KAZN: variants seen among roughly 807,000 people sequenced by gnomAD.
KAZN encodes the protein kazrin, periplakin interacting protein.
KAZN carries 40 observed loss-of-function variants against 87.4 expected under a neutral mutation model. The observed-to-expected ratio is 0.46, with a 90% CI of 0.36 to 0.60. The LOEUF (loss-of-function observed/expected upper bound fraction) is 0.60. Among genes scored for constraint, KAZN ranks in the 20% least tolerant of loss-of-function variants. The pLI, the probability that KAZN is intolerant of heterozygous loss-of-function variation, is 0.00. For synonymous variants in KAZN, 466 were observed against 458.3 expected (o/e 1.02, Z -0.22); for missense variants, 898 against 1,073.9 (o/e 0.84, Z 2.29).
rs573078676 is a variant in KAZN, at chr1:14,166,762, A to G, written c.92-13673A>G. ...TTACTAATTGTAAATATTATCTATTAAAAGCCGTTCCTCTGGTTTTATTCA... is the reference window on the plus strand; with the variant it reads ...TTACTAATTGTAAATATTATCTATTGAAAGCCGTTCCTCTGGTTTTATTCA... On this transcript the variant is annotated intron_variant, in intron 1 of 16. Coordinates refer to the KAZN transcript ENST00000636203. Among the ~76,000 whole-genome samples, 3 of 152,344 alleles carry G rather than the reference A, an allele frequency of 2.0e-5. No individual in the cohort carries two copies. The East Asian group carries it at 5.8e-4, about 29-fold the overall frequency.
At chr1:14,211,727 C>G (rs1169439881) in intron 2 of KAZN, among the ~76,000 whole-genome samples, 1 of 152,076 alleles carries the variant, frequency 6.6e-6, no homozygotes, top group Admixed American at 6.6e-5. Flanking sequence ...AATATTTACA[C>G]CATGGAAATA....
chr1:14,419,617 AGT>A (rs1212678735), intron 2 of KAZN, among the ~76,000 whole-genome samples: 1 of 152,184 alleles, frequency 6.6e-6, no homozygotes, highest in South Asian at 2.1e-4. Context: ...TCTTAAAGGT[AGT>A]GTGTCCGGAG....
At chr1:14,437,036 C>T (rs997627364) in intron 2 of KAZN, among the ~76,000 whole-genome samples, 38 of 152,192 alleles carry the variant, frequency 2.5e-4, no homozygotes, top group Admixed American at 1.3e-4. Context: ...ACCTTTTGTC[C>T]TCCAGAGGAA....
intron 2 of KAZN, among the ~76,000 whole-genome samples, chr1:14,209,604 A>G (rs917487047): frequency 1.3e-5 from 2 of 152,170 alleles, no homozygotes; most frequent in Middle Eastern, 3.4e-3. Flanking sequence ...GTAGATAACT[A>G]TAGTGCAAAT....
At chr1:14,717,081 T>G (rs563123497) in intron 1 of KAZN, among the ~76,000 whole-genome samples, 3 of 150,098 alleles carry the variant, frequency 2.0e-5, no homozygotes, top group African/African-American at 7.3e-5. Context: ...TGGCCAGATG[T>G]GAGCGCTCTC....
intron 2 of KAZN, among the ~76,000 whole-genome samples, chr1:14,376,390 T>G (rs554652635): frequency 3.5e-4 from 53 of 152,272 alleles, no homozygotes; most frequent in African/African-American, 1.2e-3. Context: ...ATAAATGGAT[T>G]AATGGCCTTA....
intron 1 of KAZN, among the ~76,000 whole-genome samples, chr1:14,652,917 G>C (rs1326381452): frequency 6.6e-6 from 1 of 151,986 alleles, no homozygotes; most frequent in Non-Finnish European, 1.5e-5. Context: ...ACTGGCATCT[G>C]GCAGGTGGAG....
chr1:14,674,541 A>G (rs1256757766), intron 1 of KAZN, among the ~76,000 whole-genome samples: 1 of 152,176 alleles, frequency 6.6e-6, no homozygotes, highest in South Asian at 2.1e-4. Flanking sequence ...GATTTTATTC[A>G]TGCAACCCTA....
Position 13,988,439 on chromosome 1 carries a change from C to G in KAZN, c.91+94683C>G, listed in dbSNP as rs1017531820. Among the ~76,000 whole-genome samples, 3 of 152,034 alleles carry G rather than the reference C, an allele frequency of 2.0e-5. No individual in the cohort carries two copies. In the South Asian group the frequency reaches 6.2e-4, roughly 32 times the overall value. ...TTCAACAGGCAATTTTCCAAGAGAC[C>G]TAGTAGGGTTCTTTTACTTATGATT... is the stretch of plus-strand genomic sequence containing the variant. On this transcript the variant is annotated intron_variant, in intron 1 of 16. Transcript: ENST00000636203.
intron 2 of KAZN, among the ~76,000 whole-genome samples, chr1:14,198,242 G>A (rs1449733186): frequency 6.6e-6 from 1 of 152,138 alleles, no homozygotes; most frequent in African/African-American, 2.4e-5. Flanking sequence ...GGAGAAGGAT[G>A]GTGATAAAAA....
At chr1:14,126,663 G>A (rs774766205) in intron 1 of KAZN, among the ~76,000 whole-genome samples, 14 of 152,100 alleles carry the variant, frequency 9.2e-5, no homozygotes, top group Admixed American at 3.3e-4. Context: ...AATCAGAGAG[G>A]TGAAGTGATT....
chr1:14,018,848 A>G (rs1415507553), intron 1 of KAZN, among the ~76,000 whole-genome samples: 1 of 152,146 alleles, frequency 6.6e-6, no homozygotes, highest in South Asian at 2.1e-4. Flanking sequence ...TGACACCATT[A>G]GCTTCCCTGG....
chr1:14,019,215 A>G (rs12040786), intron 1 of KAZN, among the ~76,000 whole-genome samples: 2 of 152,026 alleles, frequency 1.3e-5, no homozygotes, highest in Middle Eastern at 3.4e-3. Flanking sequence ...AACACCATAT[A>G]CCCCAGATAT....
At chr1:14,566,660 C>G (rs560485021) in intron 2 of KAZN, among the ~76,000 whole-genome samples, 1 of 152,360 alleles carries the variant, frequency 6.6e-6, no homozygotes, top group East Asian at 1.9e-4. Context: ...CATTAACGAT[C>G]CTAGGCTGGA....
intron 1 of KAZN, among the ~76,000 whole-genome samples, chr1:14,632,708 G>A (rs972963480): frequency 7.2e-5 from 11 of 151,840 alleles, no homozygotes; most frequent in South Asian, 4.2e-4. Context: ...AACTGAGACC[G>A]CAAGTGTAAA....
At chr1:14,728,635 C>T (rs753436993) in intron 1 of KAZN, among the ~76,000 whole-genome samples, 6 of 152,212 alleles carry the variant, frequency 3.9e-5, no homozygotes, top group Non-Finnish European at 7.3e-5. Context: ...TTACAAGACA[C>T]TTGGCTTCCC....
At chr1:14,303,391 C>T (rs1654695351) in intron 2 of KAZN, among the ~76,000 whole-genome samples, 1 of 152,134 alleles carries the variant, frequency 6.6e-6, no homozygotes, top group Admixed American at 6.5e-5. Flanking sequence ...CTAGATGTGC[C>T]TGCCACCACA....
At chr1:14,848,397 G>A (rs1427304392) in intron 1 of KAZN, among the ~76,000 whole-genome samples, 2 of 152,148 alleles carry the variant, frequency 1.3e-5, no homozygotes, top group Admixed American at 1.3e-4. Flanking sequence ...CTGTAAAATG[G>A]GTGCAGTGTG....
In KAZN at chr1:14,950,430, C is replaced by G. The variant is rs569187167; in HGVS notation, c.227-10254C>G. ...ACCAGGCAGGAGAGGGGAGGCCAGGCTGGGCCTGAGAGGGTCAGCCCCACA... is the reference window on the plus strand; with the variant it reads ...ACCAGGCAGGAGAGGGGAGGCCAGGGTGGGCCTGAGAGGGTCAGCCCCACA... On this transcript the variant is annotated intron_variant, in intron 1 of 14. Coordinates refer to ENST00000376030, the MANE Select transcript of KAZN (RefSeq NM_201628.3). 2.6e-5 allele frequency among the ~76,000 whole-genome samples: 4 copies of G among 152,218 alleles called. No homozygotes were observed. In the South Asian group the frequency reaches 8.3e-4, roughly 32 times the overall value.
Sources: allele counts gnomAD v4.1 joint callset (sites outside exome capture counted in the v4.1 genomes callset), GRCh38; gene constraint gnomAD v4.1.1; transcripts MANE v1.5; gene names NCBI Gene and HGNC (gene_info 2026-07-23, HGNC 2026-07-21).